LMNA: variants seen among roughly 807,000 people sequenced by gnomAD.
LMNA encodes the protein lamin A/C, also known as lamin.
Under a neutral mutation model 70.4 loss-of-function variants are expected in LMNA, and 20 were observed. That is an observed-to-expected ratio of 0.28 (90% confidence interval 0.20 to 0.41). LMNA has a LOEUF of 0.41. Among genes scored for constraint, LMNA ranks in the 10% least tolerant of loss-of-function variants. LMNA has a pLI of 1.00. For synonymous variants in LMNA, 339 were observed against 372.8 expected, an observed-to-expected ratio of 0.91 and a Z score of 1.04; for missense variants, 652 against 917.2, an observed-to-expected ratio of 0.71 and a Z score of 3.73.
rs991757837 is a variant in LMNA at position 156,137,219 on chromosome 1, A to G, written c.1595A>G (p.Asn532Ser). Residue 532 changes from asparagine to serine, a missense_variant, in exon 9 of 12, where the codon AAC (asparagine) becomes AGC (serine). Coordinates refer to ENST00000368300, the MANE Select transcript of LMNA (RefSeq NM_170707.4). This position sits in a 1 kb window ranked among gnomAD's most constrained non-coding sequence, Gnocchi z 4.6. ...CGNSLRTALI[N>S]STGEEVAMRK... is the part of the protein sequence containing the mutation. ...AACAGCCTGCGTACGGCTCTCATCA[A>G]CTCCACTGGGGAAGTAAGTAGGCCT... 1 of 1,587,868 alleles carries G rather than the reference A, an allele frequency of 6.3e-7. No homozygotes were observed. Among genetic ancestry groups the G allele is most frequent in the Non-Finnish European group, 8.6e-7 (1 of 1,169,110 alleles).
Position 156,137,431 on chromosome 1 carries a change from G to A in LMNA, c.1608+199G>A. 1.2e-6 allele frequency: 1 copy of A among 806,488 alleles called. No homozygotes were observed. Among genetic ancestry groups the A allele is most frequent in the Admixed American group, 2.1e-5 (1 of 47,696 alleles). 50.0% of individuals were successfully genotyped at this position (806,488 alleles called of 1,614,324 possible). A position where few individuals can be genotyped will look rare whatever the true frequency, so the allele number is the denominator to read the frequency against. On this transcript the variant is annotated intron_variant, in intron 9 of 11. Coordinates refer to ENST00000368300, the MANE Select transcript of LMNA (RefSeq NM_170707.4). The surrounding 1 kb of genome is among the most constrained non-coding windows in gnomAD (Gnocchi z 4.6). ...GCACAAGGGGTGGAAGTTAGACAGTGAGGATTGTTAAAGGCAGAGCCATAC... is the reference window on the plus strand; with the variant it reads ...GCACAAGGGGTGGAAGTTAGACAGTAAGGATTGTTAAAGGCAGAGCCATAC...
intron 1 of LMNA, among the ~76,000 whole-genome samples, chr1:156,118,615 G>A (rs1362311261): frequency 6.6e-6 from 1 of 152,198 alleles, no homozygotes; most frequent in Non-Finnish European, 1.5e-5. Context: ...TATGCCCACA[G>A]TAGGAGGAGC....
chr1:156,126,707 C>A, intron 1 of LMNA: 2 of 1,546,868 alleles, frequency 1.3e-6, no homozygotes, highest in South Asian at 1.2e-5. Flanking sequence ...CCCCTCCCCA[C>A]CCCCTCTCTT....
intron 3 of LMNA, among the ~76,000 whole-genome samples, chr1:156,095,760 C>G (rs1264097347): frequency 6.6e-6 from 1 of 152,208 alleles, no homozygotes; most frequent in African/African-American, 2.4e-5. Flanking sequence ...TATTACCTCC[C>G]CACACTTCTA....
At position 156,135,768 on chromosome 1, in the gene LMNA, A is replaced by T. The variant is rs1039252133; in HGVS notation, c.937-133A>T. The stretch of plus-strand genomic sequence containing the variant: ...CTTGTGATGTTCAGAGCTGGCTCTG[A>T]TGAGGGCTCTGGGGAAGCTCTGATT... On this transcript the variant is annotated intron_variant, in intron 5 of 11. Coordinates refer to ENST00000368300, the MANE Select transcript of LMNA (RefSeq NM_170707.4). The surrounding 1 kb of genome is among the most constrained non-coding windows in gnomAD (Gnocchi z 4.8). 5.1e-5 allele frequency: 38 copies of T among 749,112 alleles called. No individual in the cohort carries two copies. Among genetic ancestry groups the T allele is most frequent in the Admixed American group, 1.1e-4 (5 of 45,586 alleles). 46.4% of individuals were successfully genotyped at this position (749,112 alleles called of 1,614,324 possible).
intron 1 of LMNA, among the ~76,000 whole-genome samples, chr1:156,128,620 G>A (rs144972673): frequency 1.3e-5 from 2 of 152,346 alleles, no homozygotes; most frequent in East Asian, 1.9e-4. Context: ...GGAAAGCAGT[G>A]AGGTGGAGGA....
At position 156,105,678 on chromosome 1, in the gene LMNA, C is replaced by G. The variant is rs542083551; in HGVS notation, c.-206-9035C>G. Reference sequence around the variant, plus strand: ...CAGTTGCACGGGCCCTTTCAAGACCCGAAGAGGAGCCCTGCCAAACTTTCC... The same window carrying G: ...CAGTTGCACGGGCCCTTTCAAGACCGGAAGAGGAGCCCTGCCAAACTTTCC... On this transcript the variant is annotated intron_variant, in intron 3 of 12. Coordinates refer to the LMNA transcript ENST00000368301. 4.6e-5 allele frequency among the ~76,000 whole-genome samples: 7 copies of G among 152,204 alleles called. No homozygotes were observed. In the South Asian group the frequency reaches 1.4e-3, roughly 32 times the overall value.
At position 156,135,069 on chromosome 1, in the gene LMNA, G is replaced by A; in HGVS notation, c.810+94G>A. The A allele has an allele frequency of 1.9e-6, 3 of 1,610,010 alleles. No individual in the cohort carries two copies. Among genetic ancestry groups the A allele is most frequent in the Non-Finnish European group, 2.5e-6 (3 of 1,176,934 alleles). ...TATGCCTTCTGGGGATCAGGCAGAT[G>A]GTGGCAGGGAGCTCAGGGTGGCCCA... is the stretch of plus-strand genomic sequence containing the variant. On this transcript the variant is annotated intron_variant, in intron 4 of 11. Transcript: ENST00000368300. The surrounding 1 kb of genome is among the most constrained non-coding windows in gnomAD (Gnocchi z 4.8).
intron 2 of LMNA, among the ~76,000 whole-genome samples, chr1:156,087,870 C>T (rs916606869): frequency 2.0e-5 from 3 of 150,780 alleles, no homozygotes; most frequent in East Asian, 1.9e-4. Context: ...CCTTTTTTTT[C>T]TTTCTTTCTT....
upstream of LMNA, among the ~76,000 whole-genome samples, chr1:156,112,482 G>A (rs1275418406): frequency 6.6e-6 from 1 of 152,194 alleles, no homozygotes; most frequent in Non-Finnish European, 1.5e-5. Context: ...AGGGGAAAAG[G>A]GGGCACTGAG....
At chr1:156,099,255 C>T (rs1649052690) in intron 3 of LMNA, among the ~76,000 whole-genome samples, 1 of 152,130 alleles carries the variant, frequency 6.6e-6, no homozygotes, top group Non-Finnish European at 1.5e-5. Flanking sequence ...TTGGTTTATT[C>T]ACCTTCACTG....
chr1:156,135,949 C>G lies in LMNA; in HGVS notation c.985C>G (p.Arg329Gly), dbSNP rs775159300. 9.9e-6 allele frequency: 16 copies of G among 1,613,804 alleles called. No individual in the cohort carries two copies. Among genetic ancestry groups the G allele is most frequent in the Non-Finnish European group, 1.1e-5 (13 of 1,180,002 alleles). The change falls in exon 6 of 12, where the codon CGT becomes GGT. Residue 329 changes from arginine to glycine, a missense_variant. Around this residue, in one of 4 missense-constraint regions of LMNA, gnomAD observed 38 missense variants for 32.5 expected, o/e 1.17. Coordinates refer to ENST00000368300, the MANE Select transcript of LMNA (RefSeq NM_170707.4). This position sits in a 1 kb window ranked among gnomAD's most constrained non-coding sequence, Gnocchi z 4.8. ...KLRDLEDSLA[R>G]ERDTSRRLLA... ...TCGAGACCTGGAGGACTCACTGGCC[C>G]GTGAGCGGGACACCAGCCGGCGGCT...
At chr1:156,113,933 G>A (rs984077633), upstream of LMNA, among the ~76,000 whole-genome samples, 7 of 152,158 alleles carry the variant, frequency 4.6e-5, no homozygotes, top group Non-Finnish European at 7.4e-5. Context: ...GGAGATGGAA[G>A]GGGCAGTGCC....
intron 1 of LMNA, chr1:156,082,821 GGGGGGC>G (rs1648312337): frequency 6.6e-6 from 1 of 152,152 alleles, no homozygotes. Context: ...AAATGAGGAG[GGGGGGC>G]CGGGGCCGGG....
At chr1:156,108,968 C>T (rs1649443349) in intron 3 of LMNA, among the ~76,000 whole-genome samples, 3 of 152,194 alleles carry the variant, frequency 2.0e-5, no homozygotes, top group African/African-American at 7.2e-5. Context: ...AAAGAACCTT[C>T]TCTGACAACA....
chr1:156,087,957 C>T (rs1231635494), intron 2 of LMNA, among the ~76,000 whole-genome samples: 5 of 151,814 alleles, frequency 3.3e-5, no homozygotes, highest in Middle Eastern at 3.2e-3. Flanking sequence ...CTGCAACCTC[C>T]GCCTCCTGGG....
intron 3 of LMNA, among the ~76,000 whole-genome samples, chr1:156,105,926 G>A (rs1164845356): frequency 6.6e-6 from 1 of 151,872 alleles, no homozygotes; most frequent in Non-Finnish European, 1.5e-5. Context: ...AGACCATCCT[G>A]GCTAACACGG....
At chr1:156,116,243 G>T (rs1649819346) in intron 1 of LMNA, among the ~76,000 whole-genome samples, 1 of 152,146 alleles carries the variant, frequency 6.6e-6, no homozygotes, top group Admixed American at 6.5e-5. Flanking sequence ...CTGACGTTTT[G>T]ATCTTTGTCT....
At position 156,083,149 on chromosome 1, in the gene LMNA, C is replaced by G. The variant is rs1429744577; in HGVS notation, c.-354C>G. The G allele has an allele frequency of 2.0e-5, 3 of 152,396 alleles. No individual in the cohort carries two copies. The East Asian group carries it at 5.8e-4, about 29-fold the overall frequency. The allele number at this position is 152,396 out of a possible 1,614,324, so 9.4% of individuals were successfully genotyped here. ...TCTCCCCTCGCCCGCCCCCCGCCCC[C>G]CCAGTCTCGGAGATCTCAGAGGCAC... On this transcript the variant is annotated 5_prime_UTR_variant, in exon 2 of 13. Transcript: ENST00000368301.
Sources: gnomAD v4.1 joint callset for allele counts (sites outside exome capture counted in the v4.1 genomes callset) on GRCh38, gnomAD v4.1.1 for gene constraint, gnomAD v4.1.1 regional missense constraint, Gnocchi (gnomAD v3.1) non-coding constraint, MANE v1.5 for transcripts, NCBI Gene and HGNC (gene_info 2026-07-23, HGNC 2026-07-21) for gene names.